Variants in FUT8 observed in about 807,000 individuals in gnomAD.
FUT8 encodes the protein fucosyltransferase 8, also known as alpha-(1,6)-fucosyltransferase.
In FUT8, 29 loss-of-function variants were observed where a neutral mutation model predicts 71.3. The ratio of observed to expected loss-of-function variants is 0.41; its 90% CI spans 0.30 to 0.55. The LOEUF (loss-of-function observed/expected upper bound fraction) is 0.55. Ranked by LOEUF, FUT8 falls within the 20% of genes least tolerant of loss-of-function variation. The pLI is 0.34. For missense variants in FUT8, 544 were observed against 702.1 expected (o/e 0.77, Z 2.55); for synonymous variants, 254 against 239.3 (o/e 1.06, Z -0.57).
Position 65,595,191 on chromosome 14 carries a change from T to G in FUT8, c.204-20787T>G, listed in dbSNP as rs529042439. 2.6e-5 allele frequency among the ~76,000 whole-genome samples: 4 copies of G among 152,316 alleles called. No homozygotes were observed. The South Asian group carries it at 8.3e-4, about 32-fold the overall frequency. On this transcript the variant is annotated intron_variant, in intron 3 of 10. Transcript: ENST00000673929. ...TTGATAATGGCATTTATCTGGCACC[T>G]TATATTTACTGTATTTATTAATTAT...
intron 2 of FUT8, among the ~76,000 whole-genome samples, chr14:65,519,537 G>C (rs1184473563): frequency 2.0e-5 from 3 of 152,110 alleles, no homozygotes; most frequent in African/African-American, 7.2e-5. Flanking sequence ...TTCTGTGATT[G>C]TTTTACCATG....
chr14:65,699,220 C>T (rs1041831305), intron 7 of FUT8, among the ~76,000 whole-genome samples: 1 of 145,830 alleles, frequency 6.9e-6, no homozygotes, highest in African/African-American at 2.6e-5. Flanking sequence ...AAACACATGC[C>T]CATTCACACC....
At chr14:65,486,237 C>G (rs1181287713) in intron 2 of FUT8, among the ~76,000 whole-genome samples, 1 of 151,912 alleles carries the variant, frequency 6.6e-6, no homozygotes, top group African/African-American at 2.4e-5. Flanking sequence ...ATAATAATAC[C>G]TACGTTTTAA....
At chr14:65,697,991 CA>C (rs11383641) in intron 7 of FUT8, among the ~76,000 whole-genome samples, 297 of 132,330 alleles carry the variant, frequency 2.2e-3, no homozygotes, top group African/African-American at 3.6e-3. Context: ...AACTCCATCT[CA>C]AAAAAAAAAA....
intron 3 of FUT8, among the ~76,000 whole-genome samples, chr14:65,591,354 A>T (rs1887675955): frequency 6.6e-6 from 1 of 152,156 alleles, no homozygotes; most frequent in Non-Finnish European, 1.5e-5. Flanking sequence ...TGAAAGGGGC[A>T]TGAGATTCTA....
intron 2 of FUT8, among the ~76,000 whole-genome samples, chr14:65,555,329 C>T (rs11851772): frequency 0.12 from 18,957 of 152,086 alleles, 1,496 homozygotes; most frequent in East Asian, 0.34. Flanking sequence ...TTGGAACTCA[C>T]AGGTCTGTCA....
chr14:65,400,069 A>G, the FUT8 span, among the ~76,000 whole-genome samples: 1 of 152,250 alleles, frequency 6.6e-6, no homozygotes, highest in African/African-American at 2.4e-5. Context: ...TACATGAAAT[A>G]TGGAACCTGA....
At chr14:65,420,818 T>C (rs2065282194) in intron 1 of FUT8, among the ~76,000 whole-genome samples, 1 of 152,130 alleles carries the variant, frequency 6.6e-6, no homozygotes, top group Non-Finnish European at 1.5e-5. Flanking sequence ...GCCTTACCGA[T>C]GACATAGTCA....
At chr14:65,583,920 C>T (rs1192067397) in intron 3 of FUT8, among the ~76,000 whole-genome samples, 1 of 152,184 alleles carries the variant, frequency 6.6e-6, no homozygotes, top group African/African-American at 2.4e-5. Flanking sequence ...CGCTCATTCA[C>T]CCAGGCTGAA....
chr14:65,647,173 T>G (rs1019863749), intron 6 of FUT8, among the ~76,000 whole-genome samples: 6 of 152,226 alleles, frequency 3.9e-5, no homozygotes, highest in African/African-American at 1.4e-4. Context: ...TTAGGTCAGT[T>G]GTATTTGATA....
intron 2 of FUT8, among the ~76,000 whole-genome samples, chr14:65,486,146 C>T (rs1057078753): frequency 2.0e-5 from 3 of 152,146 alleles, no homozygotes; most frequent in Non-Finnish European, 2.9e-5. Flanking sequence ...TGTTTTAGCA[C>T]TAGCTAATGC....
intron 6 of FUT8, among the ~76,000 whole-genome samples, chr14:65,655,425 G>A (rs1033716550): frequency 7.4e-5 from 11 of 148,406 alleles, no homozygotes; most frequent in Non-Finnish European, 1.2e-4. Context: ...GCAGTGAGCC[G>A]AGATCACGCC....
At position 65,643,517 on chromosome 14, in the gene FUT8, G is replaced by A. The variant is rs550343837; in HGVS notation, c.597+13911G>A. 1.2e-4 allele frequency among the ~76,000 whole-genome samples: 18 copies of A among 152,266 alleles called. No individual in the cohort carries two copies. In the South Asian group the frequency reaches 3.7e-3, roughly 32 times the overall value. Reference sequence around the variant, plus strand: ...AAAATACAAAAGATTAGCCGGGCGTGGTGGCGGGCACCTGTAGTCTCAGCT... The same window carrying A: ...AAAATACAAAAGATTAGCCGGGCGTAGTGGCGGGCACCTGTAGTCTCAGCT... On this transcript the variant is annotated intron_variant, in intron 6 of 10. Coordinates refer to ENST00000673929, the MANE Select transcript of FUT8 (RefSeq NM_001371533.1). This position sits in a 1 kb window ranked among gnomAD's most constrained non-coding sequence, Gnocchi z 4.5.
At chr14:65,692,270 G>A (rs1302084522) in intron 7 of FUT8, among the ~76,000 whole-genome samples, 8 of 150,608 alleles carry the variant, frequency 5.3e-5, no homozygotes, top group East Asian at 4.0e-4. Context: ...GCGGCTGGCC[G>A]GGCAGAGGGG....
chr14:65,481,804 A>G (rs1355264323), intron 2 of FUT8, among the ~76,000 whole-genome samples: 4 of 152,082 alleles, frequency 2.6e-5, no homozygotes, highest in Non-Finnish European at 4.4e-5. Flanking sequence ...TATTTTGGCC[A>G]TTATTTAAAT....
chr14:65,607,844 A>G lies in FUT8; in HGVS notation c.204-8134A>G, dbSNP rs760226171. 6.6e-6 allele frequency among the ~76,000 whole-genome samples: 1 copy of G among 151,856 alleles called. No individual in the cohort carries two copies. Among genetic ancestry groups the G allele is most frequent in the Non-Finnish European group, 1.5e-5 (1 of 67,902 alleles). On this transcript the variant is annotated intron_variant, in intron 3 of 10. Transcript: ENST00000673929. This position sits in a 1 kb window ranked among gnomAD's most constrained non-coding sequence, Gnocchi z 4.1. ...TTTGGGAGGCTGAAGTGGGCAGATC[A>G]TGAGGTCAGGAGATCGAGACCATTA...
chr14:65,704,685 A>T (rs1354148480), intron 7 of FUT8, among the ~76,000 whole-genome samples: 1 of 152,218 alleles, frequency 6.6e-6, no homozygotes, highest in South Asian at 2.1e-4. Context: ...TGGCAAAGCA[A>T]CTTTTATATG....
chr14:65,647,153 G>A (rs571638166), intron 6 of FUT8, among the ~76,000 whole-genome samples: 1 of 152,220 alleles, frequency 6.6e-6, no homozygotes, highest in South Asian at 2.1e-4. Flanking sequence ...TGTTATACTA[G>A]GCTCAAGGCT....
At chr14:65,619,002 C>A (rs372204007) in intron 5 of FUT8, among the ~76,000 whole-genome samples, 1 of 152,084 alleles carries the variant, frequency 6.6e-6, no homozygotes, top group Non-Finnish European at 1.5e-5. Context: ...TTTGTACTTG[C>A]GATGGCATGT....
Sources: gnomAD v4.1 joint callset for allele counts (sites outside exome capture counted in the v4.1 genomes callset) on GRCh38, gnomAD v4.1.1 for gene constraint, Gnocchi (gnomAD v3.1) non-coding constraint, MANE v1.5 for transcripts, NCBI Gene and HGNC (gene_info 2026-07-23, HGNC 2026-07-21) for gene names.